LEF1: variants seen among roughly 807,000 people sequenced by gnomAD.
LEF1 encodes lymphoid enhancer-binding factor 1.
In LEF1, 14 loss-of-function variants were observed where a neutral mutation model predicts 51.2. The ratio of observed to expected loss-of-function variants is 0.27; its 90% CI spans 0.18 to 0.43. The LOEUF (loss-of-function observed/expected upper bound fraction) is 0.43. Among genes scored for constraint, LEF1 ranks in the 20% least tolerant of loss-of-function variants. The pLI is 1.00. For synonymous variants in LEF1, 185 were observed against 183.2 expected, an observed-to-expected ratio of 1.01 and a Z score of -0.08; for missense variants, 386 against 512.0, an observed-to-expected ratio of 0.75 and a Z score of 2.37.
At chr4:108,153,318 A>G (rs1467912423) in intron 3 of LEF1, among the ~76,000 whole-genome samples, 1 of 152,214 alleles carries the variant, frequency 6.6e-6, no homozygotes, top group African/African-American at 2.4e-5. Flanking sequence ...GTTGTGTTCA[A>G]TTTAGGAAAA....
At chr4:108,166,153 A>G in intron 1 of LEF1, 1 of 921,084 alleles carries the variant, frequency 1.1e-6, no homozygotes, top group Non-Finnish European at 1.5e-6. Flanking sequence ...CAAATCTTTT[A>G]CGCGGGGTTA....
At chr4:108,087,702 ATAAT>A (rs1249767321) in intron 4 of LEF1, among the ~76,000 whole-genome samples, 13 of 152,222 alleles carry the variant, frequency 8.5e-5, no homozygotes, top group Admixed American at 8.5e-4. Context: ...AAATAAAGAA[ATAAT>A]TAACAACTAA....
Position 108,167,731 on chromosome 4 carries a change from C to T in LEF1, c.37G>A (p.Gly13Arg). Residue 13 changes from glycine to arginine, a missense_variant, in exon 1 of 12, where the codon GGG (glycine) becomes AGG (arginine). Transcript: ENST00000265165. This position sits in a 1 kb window ranked among gnomAD's most constrained non-coding sequence, Gnocchi z 5.7. ...QLSGGGGGGG[G>R]DPELCATDEM... Reference sequence around the variant, plus strand: ...TCCGTGGCGCAGAGTTCCGGGTCCCCCCCGCCGCCGCCACCTCCTCCGGAG... The same window carrying T: ...TCCGTGGCGCAGAGTTCCGGGTCCCTCCCGCCGCCGCCACCTCCTCCGGAG... 6.2e-7 allele frequency: 1 copy of T among 1,613,644 alleles called. No homozygotes were observed. The highest frequency in any genetic ancestry group is 1.7e-4 in the Middle Eastern group (1 of 5,926).
At chr4:108,135,771 T>C (rs1054559027) in intron 3 of LEF1, among the ~76,000 whole-genome samples, 2 of 152,192 alleles carry the variant, frequency 1.3e-5, no homozygotes, top group African/African-American at 2.4e-5. Context: ...TCCAGCCATA[T>C]AGTGTAGGTA....
intron 3 of LEF1, among the ~76,000 whole-genome samples, chr4:108,140,904 T>C (rs762637261): frequency 1.7e-4 from 26 of 152,312 alleles, no homozygotes; most frequent in Non-Finnish European, 3.2e-4. Flanking sequence ...CAAGGGAAGA[T>C]GGTACAACTG....
At chr4:108,108,671 A>T (rs1266000842) in intron 3 of LEF1, among the ~76,000 whole-genome samples, 1 of 152,190 alleles carries the variant, frequency 6.6e-6, no homozygotes, top group Non-Finnish European at 1.5e-5. Flanking sequence ...TGTGGTAAAC[A>T]GGATCACTCA....
intron 4 of LEF1, 42 bp from the exon 5 acceptor site, chr4:108,083,488 G>C: frequency 2.3e-6 from 3 of 1,316,476 alleles, no homozygotes; most frequent in Non-Finnish European, 2.2e-6. Context: ...AGATTCACAG[G>C]ATATTTAACC....
chr4:108,111,062 T>C (rs147760233), intron 3 of LEF1, among the ~76,000 whole-genome samples: 1 of 152,302 alleles, frequency 6.6e-6, no homozygotes, highest in East Asian at 1.9e-4. Context: ...AGGCAAAATA[T>C]AGTGCTAATC....
At chr4:108,050,906 T>A (rs1432701471) in intron 11 of LEF1, among the ~76,000 whole-genome samples, 1 of 152,032 alleles carries the variant, frequency 6.6e-6, no homozygotes, top group Non-Finnish European at 1.5e-5. Flanking sequence ...GGCTAACACC[T>A]CCAATCTAGA....
chr4:108,119,075 T>C (rs1470622081), intron 3 of LEF1, among the ~76,000 whole-genome samples: 1 of 151,288 alleles, frequency 6.6e-6, no homozygotes, highest in African/African-American at 2.4e-5. Flanking sequence ...AAATAAGATT[T>C]TTTAAAAAAC....
intron 11 of LEF1, among the ~76,000 whole-genome samples, chr4:108,049,130 T>C (rs1215225902): frequency 6.6e-6 from 1 of 152,150 alleles, no homozygotes; most frequent in South Asian, 2.1e-4. Flanking sequence ...TCTGCAGTGT[T>C]TGGTGTTTTT....
intron 3 of LEF1, among the ~76,000 whole-genome samples, chr4:108,092,883 C>A (rs1740113500): frequency 8.3e-6 from 1 of 121,130 alleles, no homozygotes; most frequent in South Asian, 2.7e-4. Flanking sequence ...TGGCGTCAGG[C>A]AGCAGGGGGT....
rs1737850579 is a variant in LEF1 at position 108,063,675 on chromosome 4, T to C, written c.1166-12A>G. 1.3e-6 allele frequency: 2 copies of C among 1,589,032 alleles called. No individual in the cohort carries two copies. The highest frequency in any genetic ancestry group is 1.4e-5 in the African/African-American group (1 of 73,590). ...TCTTGGACCTGTACCTGCAGAAAAT[T>C]GTGTCTTTAACAAATTTTTATTGAA... On this transcript the variant is annotated splice_polypyrimidine_tract_variant and intron_variant, in intron 10 of 11. Transcript: ENST00000265165.
intron 5 of LEF1, 126 bp from the exon 6 acceptor site, chr4:108,081,795 G>A (rs1030459311): frequency 2.0e-5 from 14 of 683,424 alleles, no homozygotes; most frequent in South Asian, 5.4e-5. Context: ...TACAGACCCC[G>A]GGATTGTTTC....
chr4:108,157,179 T>TATACAC (rs780217431), intron 3 of LEF1, among the ~76,000 whole-genome samples: 12,361 of 116,602 alleles, frequency 0.11, 868 homozygotes, highest in East Asian at 0.33. Flanking sequence ...TATATATATA[T>TATACAC]ACACACACAC....
At chr4:108,110,621 T>C (rs1741471182) in intron 3 of LEF1, among the ~76,000 whole-genome samples, 2 of 152,126 alleles carry the variant, frequency 1.3e-5, no homozygotes, top group Non-Finnish European at 2.9e-5. Flanking sequence ...CCCCACCCCC[T>C]GCAATGGGCA....
At chr4:108,108,473 C>G (rs1387157036) in intron 3 of LEF1, among the ~76,000 whole-genome samples, 1 of 152,040 alleles carries the variant, frequency 6.6e-6, no homozygotes, top group Admixed American at 6.6e-5. Flanking sequence ...TTTTTCCTAT[C>G]CAACCTAAAG....
At chr4:108,070,839 A>C in intron 8 of LEF1, 69 bp from the exon 9 acceptor site, 1 of 1,038,046 alleles carries the variant, frequency 9.6e-7, no homozygotes, top group Non-Finnish European at 1.4e-6. Context: ...TTATGTTTCA[A>C]AAATCAAAAA....
chr4:108,082,430 G>T (rs907985315), intron 5 of LEF1, among the ~76,000 whole-genome samples: 5 of 152,266 alleles, frequency 3.3e-5, no homozygotes, highest in Middle Eastern at 3.4e-3. Flanking sequence ...GAGAGAGAGA[G>T]AAAAAGAGAG....
Sources: gnomAD v4.1 joint callset for allele counts (sites outside exome capture counted in the v4.1 genomes callset) on GRCh38, gnomAD v4.1.1 for gene constraint, Gnocchi (gnomAD v3.1) non-coding constraint, MANE v1.5 for transcripts, NCBI Gene and HGNC (gene_info 2026-07-23, HGNC 2026-07-21) for gene names.